SNAP91: variants seen among roughly 807,000 people sequenced by gnomAD.
SNAP91 encodes the protein clathrin coat assembly protein AP180.
A neutral mutation model predicts 100.3 loss-of-function variants in SNAP91; 27 were observed. That is an observed-to-expected ratio of 0.27 (90% CI 0.20 to 0.37). The LOEUF (loss-of-function observed/expected upper bound fraction) is 0.37. Ranked by LOEUF, SNAP91 falls within the 10% of genes least tolerant of loss-of-function variation. SNAP91 has a pLI of 1.00. For synonymous variants in SNAP91, 404 were observed against 398.6 expected (o/e 1.01, Z -0.16); for missense variants, 986 against 1,123.7 (o/e 0.88, Z 1.75).
At chr6:83,693,585 T>A (rs1400361209) in intron 2 of SNAP91, among the ~76,000 whole-genome samples, 4 of 152,244 alleles carry the variant, frequency 2.6e-5, no homozygotes. Flanking sequence ...TCAGACGCGA[T>A]GCTGGAAGAA....
intron 3 of SNAP91, among the ~76,000 whole-genome samples, chr6:83,663,833 T>C (rs1562564982): frequency 6.6e-6 from 1 of 152,120 alleles, no homozygotes; most frequent in Non-Finnish European, 1.5e-5. Flanking sequence ...ATCTAGAACT[T>C]TCTTATCTAG....
At chr6:83,637,980 C>T (rs1055817741) in intron 8 of SNAP91, among the ~76,000 whole-genome samples, 1 of 152,104 alleles carries the variant, frequency 6.6e-6, no homozygotes, top group Non-Finnish European at 1.5e-5. Flanking sequence ...GGTAGGGAAG[C>T]GCGGGGGCTG....
chr6:83,648,218 T>A lies in SNAP91; in HGVS notation c.659-7016A>T, dbSNP rs182481726. ...ATGTAAATAGCCATACATTACACAC[T>A]CTCTTTTCTTTGGCTTCTTTGAACC... is the stretch of plus-strand genomic sequence containing the variant. On this transcript the variant is annotated intron_variant, in intron 7 of 29. Coordinates refer to ENST00000369694, the MANE Select transcript of SNAP91 (RefSeq NM_001242792.2). 8.9e-4 allele frequency among the ~76,000 whole-genome samples: 135 copies of A among 152,274 alleles called. 1 individual carries two copies. The highest frequency in any genetic ancestry group is 3.4e-3 in the Middle Eastern group (1 of 294).
intron 11 of SNAP91, among the ~76,000 whole-genome samples, chr6:83,611,995 A>G (rs887941324): frequency 4.7e-5 from 7 of 149,878 alleles, no homozygotes; most frequent in Middle Eastern, 3.5e-3. Flanking sequence ...TGCTGGAATT[A>G]CAGGCATGAG....
intron 26 of SNAP91, among the ~76,000 whole-genome samples, chr6:83,566,417 T>C (rs1366815566): frequency 6.6e-6 from 1 of 152,212 alleles, no homozygotes; most frequent in Non-Finnish European, 1.5e-5. Flanking sequence ...TTATATTTCA[T>C]ATTAATGCTT....
At chr6:83,567,072 C>T (rs932287503) in intron 26 of SNAP91, among the ~76,000 whole-genome samples, 2 of 152,094 alleles carry the variant, frequency 1.3e-5, no homozygotes, top group Non-Finnish European at 2.9e-5. Flanking sequence ...TCATATAGCT[C>T]TTACTACAGG....
intron 7 of SNAP91, among the ~76,000 whole-genome samples, chr6:83,651,865 C>T (rs217313): frequency 0.79 from 120,524 of 152,020 alleles, 48,114 homozygotes; most frequent in South Asian, 0.87. Context: ...TACCAGTAGA[C>T]TCATCTATTT....
At chr6:83,691,460 G>A (rs935891939) in intron 2 of SNAP91, among the ~76,000 whole-genome samples, 1 of 152,002 alleles carries the variant, frequency 6.6e-6, no homozygotes, top group African/African-American at 2.4e-5. Flanking sequence ...TATATACAAT[G>A]TATATCGAGA....
intron 25 of SNAP91, 176 bp from the exon 26 acceptor site, chr6:83,575,297 A>G (rs913608250): frequency 1.7e-6 from 1 of 596,048 alleles, no homozygotes; most frequent in Non-Finnish European, 2.9e-6. Context: ...GCTGTAACTA[A>G]GAAAGCTTAA....
At chr6:83,663,302 A>C (rs1237097393) in intron 3 of SNAP91, among the ~76,000 whole-genome samples, 1 of 152,162 alleles carries the variant, frequency 6.6e-6, no homozygotes, top group Non-Finnish European at 1.5e-5. Context: ...GTCAAGAGCT[A>C]GAAGTGATTA....
At chr6:83,674,397 G>C (rs1196229749) in intron 2 of SNAP91, among the ~76,000 whole-genome samples, 3 of 152,058 alleles carry the variant, frequency 2.0e-5, no homozygotes, top group Non-Finnish European at 4.4e-5. Flanking sequence ...TAGTGCCACT[G>C]CACTCCAGCC....
chr6:83,703,473 A>G (rs1277965309), intron 2 of SNAP91, among the ~76,000 whole-genome samples: 1 of 152,152 alleles, frequency 6.6e-6, no homozygotes, highest in Non-Finnish European at 1.5e-5. Flanking sequence ...ACTCACTTTT[A>G]GGTTTAAATT....
intron 26 of SNAP91, among the ~76,000 whole-genome samples, chr6:83,573,822 A>C (rs1233960677): frequency 1.3e-5 from 2 of 152,198 alleles, no homozygotes; most frequent in African/African-American, 4.8e-5. Flanking sequence ...TAAAGACTTA[A>C]ATGTTAGACC....
intron 26 of SNAP91, among the ~76,000 whole-genome samples, chr6:83,570,440 T>G (rs957166473): frequency 2.0e-5 from 3 of 151,522 alleles, no homozygotes; most frequent in African/African-American, 7.3e-5. Context: ...TAAATTTGCA[T>G]AAGTAACAAA....
chr6:83,633,800 C>G (rs997579977), intron 8 of SNAP91, among the ~76,000 whole-genome samples: 10 of 152,086 alleles, frequency 6.6e-5, no homozygotes, highest in African/African-American at 2.2e-4. Context: ...CCAGGCTACC[C>G]AACTCCCAGC....
chr6:83,685,821 C>T (rs146538180), intron 2 of SNAP91, among the ~76,000 whole-genome samples: 1 of 152,298 alleles, frequency 6.6e-6, no homozygotes, highest in East Asian at 1.9e-4. Flanking sequence ...TAGCCAATCA[C>T]CTACAAAGAA....
intron 12 of SNAP91, 103 bp from the exon 13 acceptor site, chr6:83,607,911 T>C (rs2095740355): frequency 2.1e-6 from 1 of 487,068 alleles, no homozygotes; most frequent in African/African-American, 2.0e-5. Context: ...CAGCAATTTT[T>C]TTTTTGTAAT....
chr6:83,600,742 G>A (rs1357274772), intron 16 of SNAP91, among the ~76,000 whole-genome samples: 1 of 152,126 alleles, frequency 6.6e-6, no homozygotes, highest in Non-Finnish European at 1.5e-5. Context: ...GTTTTTATTT[G>A]GACAGAACAA....
intron 2 of SNAP91, among the ~76,000 whole-genome samples, chr6:83,688,553 G>C (rs1396987600): frequency 6.7e-6 from 1 of 149,626 alleles, no homozygotes; most frequent in African/African-American, 2.5e-5. Flanking sequence ...TGCCAGGCTG[G>C]AGTGCAGTGG....
Sources: allele counts gnomAD v4.1 joint callset (sites outside exome capture counted in the v4.1 genomes callset), GRCh38; gene constraint gnomAD v4.1.1; transcripts MANE v1.5; gene names NCBI Gene and HGNC (gene_info 2026-07-23, HGNC 2026-07-21).